Variants in ADK observed in about 807,000 individuals in gnomAD.
The protein encoded by ADK is adenosine kinase, also known as N6,N6-dimethyladenosine kinase.
ADK carries 24 observed loss-of-function variants against 44.7 expected under a neutral mutation model. The observed-to-expected ratio is 0.54, with a 90% CI of 0.39 to 0.76. ADK has a LOEUF of 0.76. ADK is among the 30% of genes least tolerant of loss of function. The pLI, the probability that ADK is intolerant of heterozygous loss-of-function variation, is 0.00. For missense variants in ADK, 321 were observed against 425.1 expected, an observed-to-expected ratio of 0.76 and a Z score of 2.15; for synonymous variants, 128 against 142.6, an observed-to-expected ratio of 0.90 and a Z score of 0.73.
intron 7 of ADK, among the ~76,000 whole-genome samples, chr10:74,532,854 A>G (rs1231578384): frequency 7.7e-6 from 1 of 129,456 alleles, no homozygotes; most frequent in Non-Finnish European, 1.6e-5. Context: ...CAGGAGGCGG[A>G]GGTTGCGATG....
At chr10:74,592,474 A>G (rs533556150) in intron 8 of ADK, among the ~76,000 whole-genome samples, 114 of 152,266 alleles carry the variant, frequency 7.5e-4, no homozygotes, top group African/African-American at 2.4e-3. Flanking sequence ...TATATTCTCT[A>G]TCTTTTCATT....
intron 9 of ADK, chr10:74,655,992 A>G: frequency 3.0e-6 from 2 of 667,804 alleles, no homozygotes; most frequent in East Asian, 2.9e-5. Flanking sequence ...GACCATGGGA[A>G]CCGCCTGCTC....
chr10:74,158,719 A>G (rs1170230491), intron 1 of ADK, among the ~76,000 whole-genome samples: 2 of 152,234 alleles, frequency 1.3e-5, no homozygotes, highest in African/African-American at 4.8e-5. Context: ...GTTTACTTTT[A>G]AAAGTTGGCT....
At chr10:74,454,526 A>G (rs949411806) in intron 6 of ADK, among the ~76,000 whole-genome samples, 4 of 152,198 alleles carry the variant, frequency 2.6e-5, no homozygotes, top group Non-Finnish European at 5.9e-5. Flanking sequence ...TGCGCTGCTT[A>G]CTAGTTCACT....
chr10:74,555,138 A>C (rs1354269800), intron 7 of ADK, among the ~76,000 whole-genome samples: 2 of 152,174 alleles, frequency 1.3e-5, no homozygotes, highest in African/African-American at 4.8e-5. Flanking sequence ...CTCTACAAAA[A>C]AAAGAAAATT....
chr10:74,437,675 C>T (rs1178769493), intron 6 of ADK, among the ~76,000 whole-genome samples: 1 of 152,176 alleles, frequency 6.6e-6, no homozygotes, highest in Non-Finnish European at 1.5e-5. Context: ...CTTTTTAACC[C>T]TTTCAAACCA....
intron 4 of ADK, among the ~76,000 whole-genome samples, chr10:74,375,522 G>C (rs995130485): frequency 1.3e-5 from 2 of 152,112 alleles, no homozygotes; most frequent in African/African-American, 2.4e-5. Context: ...TGATTTACCT[G>C]TCTTCACAAT....
At chr10:74,375,187 A>G (rs961015085) in intron 4 of ADK, among the ~76,000 whole-genome samples, 2 of 152,160 alleles carry the variant, frequency 1.3e-5, no homozygotes, top group African/African-American at 4.8e-5. Flanking sequence ...TAATTATCCT[A>G]TAAAAACTTA....
intron 3 of ADK, among the ~76,000 whole-genome samples, chr10:74,302,491 T>C (rs954807205): frequency 1.3e-5 from 2 of 151,978 alleles, no homozygotes; most frequent in Admixed American, 1.3e-4. Flanking sequence ...CAGTTTGTAC[T>C]GGAAAGAATT....
chr10:74,278,012 GTTTA>G (rs1451841503), intron 3 of ADK, among the ~76,000 whole-genome samples: 13 of 151,464 alleles, frequency 8.6e-5, no homozygotes, highest in Non-Finnish European at 1.2e-4. Flanking sequence ...TATAATCTTT[GTTTA>G]TTTATATGCT....
chr10:74,181,850 G>C (rs1020173217), intron 1 of ADK, among the ~76,000 whole-genome samples: 2 of 152,210 alleles, frequency 1.3e-5, no homozygotes, highest in African/African-American at 2.4e-5. Flanking sequence ...GGGAAGACTA[G>C]GAAATGGAGT....
chr10:74,635,667 C>T (rs1255686619), intron 9 of ADK, among the ~76,000 whole-genome samples: 3 of 152,116 alleles, frequency 2.0e-5, no homozygotes, highest in African/African-American at 4.8e-5. Context: ...TAAGGTAGTA[C>T]GTTGGCTGCA....
At chr10:74,237,398 C>T (rs1845010381) in intron 3 of ADK, among the ~76,000 whole-genome samples, 1 of 152,198 alleles carries the variant, frequency 6.6e-6, no homozygotes, top group Non-Finnish European at 1.5e-5. Flanking sequence ...AATTCTAGTT[C>T]TCTTGCTATT....
intron 9 of ADK, among the ~76,000 whole-genome samples, chr10:74,618,681 A>G (rs1852867991): frequency 6.6e-6 from 1 of 152,144 alleles, no homozygotes; most frequent in African/African-American, 2.4e-5. Context: ...TGAGTTCTTT[A>G]TAAATGGCTT....
At chr10:74,350,213 A>G (rs976755144) in intron 4 of ADK, among the ~76,000 whole-genome samples, 3 of 152,196 alleles carry the variant, frequency 2.0e-5, no homozygotes, top group Non-Finnish European at 4.4e-5. Context: ...CATAACAAAC[A>G]GTCTCTCAGA....
chr10:74,190,300 A>G (rs1480427147), intron 1 of ADK, among the ~76,000 whole-genome samples: 1 of 152,198 alleles, frequency 6.6e-6, no homozygotes, highest in Non-Finnish European at 1.5e-5. Context: ...GCACACTTTC[A>G]GCACTCAACC....
intron 3 of ADK, among the ~76,000 whole-genome samples, chr10:74,303,611 T>G (rs1286765361): frequency 7.1e-6 from 1 of 141,082 alleles, no homozygotes; most frequent in Non-Finnish European, 1.5e-5. Context: ...TTTTTTTTTT[T>G]TTTGCTAGAA....
At chr10:74,527,375 A>AC (rs201691923) in intron 7 of ADK, among the ~76,000 whole-genome samples, 4,902 of 139,944 alleles carry the variant, frequency 0.035, 296 homozygotes, top group African/African-American at 0.14. Context: ...AAACAAACAA[A>AC]AAAAAAAAAA....
intron 6 of ADK, among the ~76,000 whole-genome samples, chr10:74,428,507 T>A (rs972050025): frequency 1.1e-4 from 17 of 152,178 alleles, no homozygotes; most frequent in African/African-American, 3.9e-4. Context: ...CTGTTGGAAA[T>A]AAAGAACTTT....
Sources: allele counts gnomAD v4.1 joint callset (sites outside exome capture counted in the v4.1 genomes callset), GRCh38; gene constraint gnomAD v4.1.1; transcripts MANE v1.5; gene names NCBI Gene and HGNC (gene_info 2026-07-23, HGNC 2026-07-21).